The following LMO7 variants were observed in gnomAD, a reference collection of about 807,000 sequenced individuals.
LMO7 encodes the protein LIM domain only protein 7.
Under a neutral mutation model 206.5 loss-of-function variants are expected in LMO7, and 120 were observed. The ratio of observed to expected loss-of-function variants is 0.58; its 90% CI spans 0.50 to 0.68. The LOEUF is 0.68. LMO7 is among the 30% of genes least tolerant of loss of function. LMO7 has a pLI of 0.00. For missense variants in LMO7, 1,959 were observed against 1,957.9 expected (o/e 1.00, Z -0.01); for synonymous variants, 706 against 681.5 (o/e 1.04, Z -0.56).
chr13:75,641,300 C>T (rs1175848109), intron 1 of LMO7, among the ~76,000 whole-genome samples: 2 of 152,140 alleles, frequency 1.3e-5, no homozygotes, highest in South Asian at 2.1e-4. Context: ...TTTAACTTGT[C>T]GTGTGTGAAA....
chr13:75,634,454 AG>A (rs960687130), upstream of LMO7, among the ~76,000 whole-genome samples: 1 of 151,554 alleles, frequency 6.6e-6, no homozygotes, highest in Non-Finnish European at 1.5e-5. Flanking sequence ...AAAACAAACA[AG>A]AACGGCTGGG....
intron 1 of LMO7, among the ~76,000 whole-genome samples, 153 bp from the exon 2 acceptor site, chr13:75,713,029 A>G (rs536241688): frequency 6.6e-6 from 1 of 152,232 alleles, no homozygotes; most frequent in Non-Finnish European, 1.5e-5. Flanking sequence ...GACAGTACAT[A>G]TTCCTATAAG....
intron 1 of LMO7, among the ~76,000 whole-genome samples, chr13:75,700,830 C>T (rs189462939): frequency 2.5e-4 from 38 of 152,262 alleles, no homozygotes; most frequent in African/African-American, 6.7e-4. Context: ...CAAAACAATG[C>T]GCAATTTAAA....
intron 3 of LMO7, among the ~76,000 whole-genome samples, chr13:75,744,744 A>G (rs1195536369): frequency 6.6e-6 from 1 of 152,212 alleles, no homozygotes. Flanking sequence ...TGTTTCAGGA[A>G]CTTGGGACAC....
At chr13:75,714,692 T>C (rs1368120519) in intron 2 of LMO7, among the ~76,000 whole-genome samples, 1 of 152,132 alleles carries the variant, frequency 6.6e-6, no homozygotes, top group East Asian at 1.9e-4. Context: ...TGACAATGAG[T>C]CAAATAGTGT....
At chr13:75,717,439 T>TCTTGTATC (rs2043646785) in intron 2 of LMO7, among the ~76,000 whole-genome samples, 1 of 151,540 alleles carries the variant, frequency 6.6e-6, no homozygotes, top group Non-Finnish European at 1.5e-5. Context: ...CTTTTTCCTT[T>TCTTGTATC]CTTGTATCTT....
intron 3 of LMO7, among the ~76,000 whole-genome samples, chr13:75,731,725 C>G (rs148886561): frequency 6.6e-6 from 1 of 151,856 alleles, no homozygotes; most frequent in East Asian, 1.9e-4. Context: ...TTCCTAGTCT[C>G]GATGGTCTTT....
chr13:75,801,322 AAAAG>A (rs1449105959), intron 7 of LMO7, among the ~76,000 whole-genome samples: 7 of 152,200 alleles, frequency 4.6e-5, no homozygotes, highest in African/African-American at 1.7e-4. Context: ...CTTAAGCAAA[AAAAG>A]AAAAATATTT....
intron 1 of LMO7, among the ~76,000 whole-genome samples, chr13:75,649,582 A>C (rs762814824): frequency 5.9e-5 from 9 of 152,160 alleles, no homozygotes; most frequent in Non-Finnish European, 7.4e-5. Context: ...TGGGAGCCAA[A>C]CCAAGCTTGG....
intron 18 of LMO7, 75 bp from the exon 19 acceptor site, chr13:75,836,322 A>G: frequency 4.1e-6 from 3 of 731,614 alleles, no homozygotes; most frequent in East Asian, 5.9e-5. Flanking sequence ...TATATATTTC[A>G]CTAATGCGAA....
Position 75,833,027 on chromosome 13 carries a change from C to G in LMO7, c.2950-24C>G, listed in dbSNP as rs747003286. 40 of 1,355,864 alleles carry G rather than the reference C, an allele frequency of 3.0e-5. No homozygotes were observed. In the South Asian group the frequency reaches 4.4e-4, roughly 15 times the overall value. The allele number at this position is 1,355,864 out of a possible 1,614,324, so 84.0% of individuals were successfully genotyped here. On this transcript the variant is annotated intron_variant, in intron 15 of 30. Coordinates refer to ENST00000377534, the MANE Select transcript of LMO7 (RefSeq NM_001306080.2). ...TGTGGGTGCCAGGGACACCGGATACCAGCGTTTCATGTTTTGTTTTCAGGA... is the reference window on the plus strand; with the variant it reads ...TGTGGGTGCCAGGGACACCGGATACGAGCGTTTCATGTTTTGTTTTCAGGA...
At chr13:75,735,851 A>G (rs933277281) in intron 3 of LMO7, among the ~76,000 whole-genome samples, 5 of 151,918 alleles carry the variant, frequency 3.3e-5, no homozygotes, top group African/African-American at 1.2e-4. Flanking sequence ...ATTATATAAT[A>G]TACTTTTAAT....
chr13:75,656,926 C>A (rs2038112122), intron 1 of LMO7, among the ~76,000 whole-genome samples: 1 of 152,212 alleles, frequency 6.6e-6, no homozygotes, highest in African/African-American at 2.4e-5. Context: ...TATGTTGAAA[C>A]CCTAGCCCCC....
intron 1 of LMO7, among the ~76,000 whole-genome samples, chr13:75,654,490 G>T (rs1594084222): frequency 4.7e-5 from 2 of 42,894 alleles, no homozygotes; most frequent in African/African-American, 1.1e-4. Flanking sequence ...GAGCCTCTAG[G>T]TTGCAGCCTC....
At chr13:75,848,437 A>ATCTG (rs2060177237) in intron 26 of LMO7, among the ~76,000 whole-genome samples, 1 of 150,072 alleles carries the variant, frequency 6.7e-6, no homozygotes, top group Non-Finnish European at 1.5e-5. Flanking sequence ...GCGATTATCT[A>ATCTG]TCTATCTATC....
rs533729453 is a variant in LMO7, at chr13:75,803,143, C to G, written c.662-1146C>G. On this transcript the variant is annotated intron_variant, in intron 7 of 30. Coordinates refer to ENST00000377534, the MANE Select transcript of LMO7 (RefSeq NM_001306080.2). Reference sequence around the variant, plus strand: ...CACCAGTTTATTGACTACTACTCCTCATGGTCACAGCTGCGTTTACTTTCC... The same window carrying G: ...CACCAGTTTATTGACTACTACTCCTGATGGTCACAGCTGCGTTTACTTTCC... Among the ~76,000 whole-genome samples, 139 of 152,330 alleles carry G rather than the reference C, an allele frequency of 9.1e-4. 1 individual carries two copies. Among genetic ancestry groups the G allele is most frequent in the Non-Finnish European group, 1.8e-4 (12 of 68,024 alleles).
chr13:75,811,681 T>C (rs918729823), intron 11 of LMO7, among the ~76,000 whole-genome samples: 16 of 152,252 alleles, frequency 1.1e-4, no homozygotes, highest in African/African-American at 3.6e-4. Flanking sequence ...TGTCTGTTTA[T>C]TTTTAAGACG....
rs370337756 is a variant in LMO7, at chr13:75,720,643, T to C, written c.141-6386T>C. Among the ~76,000 whole-genome samples the C allele has an allele frequency of 3.3e-5, 5 of 152,344 alleles. 1 individual carries two copies. The highest frequency in any genetic ancestry group is 1.9e-4 in the East Asian group (1 of 5,190). On this transcript the variant is annotated intron_variant, in intron 2 of 30. Coordinates refer to ENST00000377534, the MANE Select transcript of LMO7 (RefSeq NM_001306080.2). ...ATAAGAGGTATCTGCCCTGAGACTA[T>C]TCAAGCTTTGCTAGACTTACTTCAG...
At chr13:75,721,682 C>G (rs988295225) in intron 2 of LMO7, among the ~76,000 whole-genome samples, 1 of 152,116 alleles carries the variant, frequency 6.6e-6, no homozygotes, top group African/African-American at 2.4e-5. Flanking sequence ...ATGGTATATG[C>G]ATATATACAC....
Sources: allele counts gnomAD v4.1 joint callset (sites outside exome capture counted in the v4.1 genomes callset), GRCh38; gene constraint gnomAD v4.1.1; transcripts MANE v1.5; gene names NCBI Gene and HGNC (gene_info 2026-07-23, HGNC 2026-07-21).